Variants in PMVK observed in about 807,000 individuals in gnomAD.
PMVK encodes the protein phosphomevalonate kinase.
A neutral mutation model predicts 19.0 loss-of-function variants in PMVK; 10 were observed. The observed-to-expected ratio is 0.53, with a 90% CI of 0.32 to 0.89. PMVK has a LOEUF of 0.89. PMVK is among the 40% of genes least tolerant of loss of function. The pLI is 0.03. For missense variants in PMVK, 222 were observed against 251.1 expected (o/e 0.88, Z 0.78); for synonymous variants, 108 against 101.6 (o/e 1.06, Z -0.38).
At chr1:154,942,528 C>A in the PMVK span, among the ~76,000 whole-genome samples, 1 of 152,224 alleles carries the variant, frequency 6.6e-6, no homozygotes, top group South Asian at 2.1e-4. Context: ...AGAGAGAGGG[C>A]GATCAGAGCA....
At position 154,932,395 on chromosome 1, in the gene PMVK, G is replaced by C; in HGVS notation, c.116C>G (p.Ala39Gly). ...LQSRLGADVC[A>G]VLRLSGPLKE... ...GAGTGGACCAGAGAGCCGGAGGACAGCACAGACATCAGCTCCAAGTCTGCA... is the reference window on the plus strand; with the variant it reads ...GAGTGGACCAGAGAGCCGGAGGACACCACAGACATCAGCTCCAAGTCTGCA... The change falls in exon 2 of 5, where the codon GCT becomes GGT. Residue 39 changes from alanine to glycine, a missense_variant. Transcript: ENST00000368467. The C allele has an allele frequency of 1.2e-6, 2 of 1,612,262 alleles. No individual in the cohort carries two copies. Among genetic ancestry groups the C allele is most frequent in the Non-Finnish European group, 1.7e-6 (2 of 1,178,904 alleles).
At chr1:154,935,685 C>T (rs184230235) in intron 1 of PMVK, among the ~76,000 whole-genome samples, 12 of 152,218 alleles carry the variant, frequency 7.9e-5, no homozygotes, top group Middle Eastern at 3.4e-3. Flanking sequence ...TTGTTAACTT[C>T]GTATGTTATT....
intron 1 of PMVK, 111 bp downstream of exon 1, chr1:154,936,479 CT>C: frequency 6.7e-7 from 1 of 1,501,642 alleles, no homozygotes. Context: ...CTCCTCCTGC[CT>C]TGCAAACGGA....
At chr1:154,932,457 C>T in intron 1 of PMVK, 42 bp from the exon 2 acceptor site, 1 of 1,422,240 alleles carries the variant, frequency 7.0e-7, no homozygotes, top group Non-Finnish European at 9.7e-7. Flanking sequence ...CCTAGAATTT[C>T]CAGGAGCTTC....
chr1:154,930,996 G>A (rs1654318566), intron 2 of PMVK, among the ~76,000 whole-genome samples: 1 of 152,010 alleles, frequency 6.6e-6, no homozygotes. Context: ...AGCTCAAGTG[G>A]GAGGATCACT....
Position 154,924,902 on chromosome 1 carries a change from C to T in PMVK, c.*227G>A. The stretch of plus-strand genomic sequence containing the variant: ...CGCCTTCAAGCACAGCCAAGACACC[C>T]TCCTTTGCCCTTGGAGTCTCCTCCT... On this transcript the variant is annotated 3_prime_UTR_variant, in exon 5 of 5. Coordinates refer to ENST00000368467, the MANE Select transcript of PMVK (RefSeq NM_006556.4). 3.6e-6 allele frequency: 2 copies of T among 555,476 alleles called. No individual in the cohort carries two copies. Among genetic ancestry groups the T allele is most frequent in the Non-Finnish European group, 6.5e-6 (2 of 308,928 alleles). The allele number at this position is 555,476 out of a possible 1,614,324, so 34.4% of individuals were successfully genotyped here.
At chr1:154,927,555 T>C (rs1654206432) in intron 3 of PMVK, among the ~76,000 whole-genome samples, 1 of 151,308 alleles carries the variant, frequency 6.6e-6, no homozygotes, top group African/African-American at 2.4e-5. Context: ...CTTCTCAATC[T>C]GAAATCAGAT....
rs565422301 is a variant in PMVK at position 154,929,241 on chromosome 1, C to T, written c.160-65G>A. 301 of 1,496,468 alleles carry T rather than the reference C, an allele frequency of 2.0e-4. 1 individual carries two copies. The East Asian group carries it at 5.7e-3, about 28-fold the overall frequency. The allele number at this position is 1,496,468 out of a possible 1,614,324, so 92.7% of individuals were successfully genotyped here. On this transcript the variant is annotated intron_variant, in intron 2 of 4. Coordinates refer to ENST00000368467, the MANE Select transcript of PMVK (RefSeq NM_006556.4). Reference sequence around the variant, plus strand: ...ACCTCAGTGGTCTCTCCTAAAACAGCGGAAGAGCCATCCCTCACCCTCACC... The same window carrying T: ...ACCTCAGTGGTCTCTCCTAAAACAGTGGAAGAGCCATCCCTCACCCTCACC...
At chr1:154,931,276 G>A (rs1654327232) in intron 2 of PMVK, among the ~76,000 whole-genome samples, 1 of 152,058 alleles carries the variant, frequency 6.6e-6, no homozygotes, top group Non-Finnish European at 1.5e-5. Flanking sequence ...CAATTGAGGG[G>A]CCAAAGCACA....
chr1:154,939,446 A>G (rs4845696), upstream of PMVK, among the ~76,000 whole-genome samples: 80,126 of 151,612 alleles, frequency 0.53, 22,391 homozygotes, highest in East Asian at 0.88. Context: ...AGCACTTTGG[A>G]AGGCCGAGGC....
upstream of PMVK, among the ~76,000 whole-genome samples, chr1:154,939,538 A>AC (rs1654597029): frequency 6.6e-6 from 1 of 151,626 alleles, no homozygotes; most frequent in African/African-American, 2.4e-5. Flanking sequence ...ACAAAAAAAA[A>AC]AAAACAAAAC....
intron 1 of PMVK, chr1:154,936,390 G>A: frequency 1.0e-6 from 1 of 985,262 alleles, no homozygotes; most frequent in Non-Finnish European, 1.2e-6. Flanking sequence ...TGGAGAGGTG[G>A]TCACCTGCTT....
At chr1:154,932,186 G>A (rs1226727093) in intron 2 of PMVK, among the ~76,000 whole-genome samples, 166 bp downstream of exon 2, 1 of 152,136 alleles carries the variant, frequency 6.6e-6, no homozygotes, top group Non-Finnish European at 1.5e-5. Flanking sequence ...AGAAATATAA[G>A]CTGAAAATGC....
chr1:154,937,994 TAAGAA>T (rs1284619073), upstream of PMVK: 1 of 152,142 alleles, frequency 6.6e-6, no homozygotes, highest in Non-Finnish European at 1.5e-5. Flanking sequence ...AGGGTTATAA[TAAGAA>T]AGGAATGAAG....
chr1:154,939,719 A>AG (rs1455489834), upstream of PMVK, among the ~76,000 whole-genome samples: 1 of 141,270 alleles, frequency 7.1e-6, no homozygotes, highest in South Asian at 2.3e-4. Context: ...AAAAAAAAAA[A>AG]AAAGAAAGAA....
Position 154,925,080 on chromosome 1 carries a change from G to GCCCCCCCCCCCCCCCCACCAGC in PMVK, c.*48_*49insGCTGGTGGGGGGGGGGGGGGGG. On this transcript the variant is annotated 3_prime_UTR_variant, in exon 5 of 5. Coordinates refer to ENST00000368467, the MANE Select transcript of PMVK (RefSeq NM_006556.4). ...GGGACACCCCCATTTTGCAGAGTCA[G>GCCCCCCCCCCCCCCCCACCAGC]CCCCACCCCCACCTCAGCAGGCCCC... 1 of 1,459,212 alleles carries GCCCCCCCCCCCCCCCCACCAGC rather than the reference G, an allele frequency of 6.9e-7. No homozygotes were observed. The allele number at this position is 1,459,212 out of a possible 1,614,324, so 90.4% of individuals were successfully genotyped here.
intron 3 of PMVK, among the ~76,000 whole-genome samples, chr1:154,928,783 A>AAATG (rs1429355890): frequency 6.8e-6 from 1 of 146,434 alleles, no homozygotes; most frequent in Non-Finnish European, 1.5e-5. Context: ...AAAAATAAAT[A>AAATG]AATAAATAAA....
chr1:154,928,989 CAG>C, intron 3 of PMVK, 33 bp downstream of exon 3: 1 of 1,595,930 alleles, frequency 6.3e-7, no homozygotes. Context: ...GCTAGGGAAA[CAG>C]GTGTTCTTCA....
At chr1:154,929,932 C>G (rs1006696657) in intron 2 of PMVK, among the ~76,000 whole-genome samples, 1 of 152,216 alleles carries the variant, frequency 6.6e-6, no homozygotes, top group African/African-American at 2.4e-5. Flanking sequence ...GATCACCCAC[C>G]TGCTCCCCTT....
Sources: gnomAD v4.1 joint callset for allele counts (sites outside exome capture counted in the v4.1 genomes callset) on GRCh38, gnomAD v4.1.1 for gene constraint, MANE v1.5 for transcripts, NCBI Gene and HGNC (gene_info 2026-07-23, HGNC 2026-07-21) for gene names.